EYA2: variants seen among roughly 807,000 people sequenced by gnomAD.
The protein encoded by EYA2 is protein phosphatase EYA2.
EYA2 carries 31 observed loss-of-function variants against 69.2 expected under a neutral mutation model. The ratio of observed to expected loss-of-function variants is 0.45; its 90% confidence interval spans 0.34 to 0.60. The LOEUF (loss-of-function observed/expected upper bound fraction) is 0.60, where lower values mean the gene tolerates loss of function less well. Among genes scored for constraint, EYA2 ranks in the 20% least tolerant of loss-of-function variants. EYA2 has a pLI of 0.02. For missense variants in EYA2, 622 were observed against 701.2 expected, an observed-to-expected ratio of 0.89 and a Z score of 1.28; for synonymous variants, 257 against 279.4, an observed-to-expected ratio of 0.92 and a Z score of 0.80.
intron 1 of EYA2, among the ~76,000 whole-genome samples, chr20:46,983,070 A>G (rs1980943230): frequency 6.6e-6 from 1 of 152,042 alleles, no homozygotes; most frequent in Admixed American, 6.6e-5. Context: ...ACCACACCTG[A>G]CCAGTAATTT....
At chr20:47,030,537 G>GA (rs1984349113) in intron 5 of EYA2, among the ~76,000 whole-genome samples, 1 of 151,888 alleles carries the variant, frequency 6.6e-6, no homozygotes, top group Non-Finnish European at 1.5e-5. Context: ...TATATCCCAG[G>GA]GAGGATACAG....
chr20:47,134,294 T>A (rs925312616), intron 9 of EYA2, among the ~76,000 whole-genome samples: 6 of 151,848 alleles, frequency 4.0e-5, no homozygotes, highest in African/African-American at 1.5e-4. Context: ...ATGACAGGGG[T>A]GGTGGCCTAA....
Position 47,044,518 on chromosome 20 carries a change from G to A in EYA2, c.416-27667G>A, listed in dbSNP as rs190745528. On this transcript the variant is annotated intron_variant, in intron 5 of 15. Transcript: ENST00000327619. ...AATGAGGAACAAAGTAGAGTCTTTCGGGGGGGTGGGGGCAATAGCAAGTTG... is the reference window on the plus strand; with the variant it reads ...AATGAGGAACAAAGTAGAGTCTTTCAGGGGGGTGGGGGCAATAGCAAGTTG... 1.6e-4 allele frequency among the ~76,000 whole-genome samples: 24 copies of A among 152,002 alleles called. 1 individual carries two copies. Among genetic ancestry groups the A allele is most frequent in the South Asian group, 6.3e-4 (3 of 4,800 alleles).
At chr20:47,186,941 C>T (rs1438630508) in intron 15 of EYA2, among the ~76,000 whole-genome samples, 1 of 151,952 alleles carries the variant, frequency 6.6e-6, no homozygotes, top group Non-Finnish European at 1.5e-5. Flanking sequence ...TAGATATGTC[C>T]CTAGCTACTC....
intron 1 of EYA2, among the ~76,000 whole-genome samples, chr20:46,940,329 G>A (rs1986100428): frequency 6.6e-6 from 1 of 152,130 alleles, no homozygotes; most frequent in South Asian, 2.1e-4. Flanking sequence ...CTTGAGGTGG[G>A]GATTGTGATG....
At chr20:47,100,412 CA>C (rs1422903648) in intron 9 of EYA2, among the ~76,000 whole-genome samples, 1 of 152,224 alleles carries the variant, frequency 6.6e-6, no homozygotes, top group Non-Finnish European at 1.5e-5. Flanking sequence ...TCGCAGCCCC[CA>C]CCTGGCCTGG....
rs142018550 is a variant in EYA2 at position 47,161,579 on chromosome 20, T to C, written c.979-7560T>C. 403 of 323,968 alleles carry C rather than the reference T, an allele frequency of 1.2e-3. 2 individuals carry two copies. Among genetic ancestry groups the C allele is most frequent in the African/African-American group, 8.2e-3 (373 of 45,250 alleles). 20.1% of individuals were successfully genotyped at this position (323,968 alleles called of 1,614,324 possible). A position where few individuals can be genotyped will look rare whatever the true frequency, so the allele number is the denominator to read the frequency against. On this transcript the variant is annotated intron_variant, in intron 10 of 15. Transcript: ENST00000327619. ...TGTCCTTGGTCTTGCCTCTGTGAGC[T>C]CCTCGGCCTTGGCCCGGGCCCTGTC...
intron 9 of EYA2, among the ~76,000 whole-genome samples, chr20:47,131,978 T>G (rs1307904022): frequency 3.3e-5 from 5 of 152,240 alleles, no homozygotes; most frequent in Non-Finnish European, 7.3e-5. Flanking sequence ...ATTTTGTTTT[T>G]GTCTTTGAAA....
At chr20:47,171,124 T>C (rs992504600) in intron 11 of EYA2, among the ~76,000 whole-genome samples, 7 of 152,216 alleles carry the variant, frequency 4.6e-5, no homozygotes, top group African/African-American at 7.2e-5. Context: ...GAAGTCATCG[T>C]TGGGAAGCAC....
chr20:46,933,940 T>C (rs559034679), intron 1 of EYA2, among the ~76,000 whole-genome samples: 2 of 152,346 alleles, frequency 1.3e-5, no homozygotes, highest in South Asian at 4.1e-4. Context: ...CCCCACAGTA[T>C]TTAACAAACC....
chr20:47,127,464 T>C (rs1439887510), intron 9 of EYA2, among the ~76,000 whole-genome samples: 2 of 152,102 alleles, frequency 1.3e-5, no homozygotes, highest in African/African-American at 4.8e-5. Context: ...ATTAGCCAGC[T>C]GTAGTGGCAC....
At chr20:47,002,705 C>T (rs1451213132) in intron 3 of EYA2, among the ~76,000 whole-genome samples, 1 of 152,172 alleles carries the variant, frequency 6.6e-6, no homozygotes, top group Admixed American at 6.5e-5. Context: ...CTACCATTCA[C>T]ACATCACTCC....
intron 2 of EYA2, among the ~76,000 whole-genome samples, chr20:46,991,476 A>G (rs1981654636): frequency 6.6e-6 from 1 of 152,198 alleles, no homozygotes; most frequent in African/African-American, 2.4e-5. Context: ...GCATGGTTAA[A>G]TGTACCATTC....
At chr20:47,119,631 A>G (rs1403254877) in intron 9 of EYA2, among the ~76,000 whole-genome samples, 1 of 152,146 alleles carries the variant, frequency 6.6e-6, no homozygotes, top group African/African-American at 2.4e-5. Flanking sequence ...CAGAATGAAG[A>G]CTGTTGGTTA....
At chr20:47,047,943 G>T (rs908499887) in intron 5 of EYA2, among the ~76,000 whole-genome samples, 7 of 151,986 alleles carry the variant, frequency 4.6e-5, no homozygotes, top group African/African-American at 1.7e-4. Flanking sequence ...CTCCCAAAGT[G>T]CTAGGATTAC....
intron 5 of EYA2, among the ~76,000 whole-genome samples, chr20:47,025,931 G>T (rs1290842391): frequency 6.6e-6 from 1 of 152,236 alleles, no homozygotes; most frequent in Admixed American, 6.5e-5. Flanking sequence ...GTGAGGTTGA[G>T]CATCTTTTCA....
intron 9 of EYA2, among the ~76,000 whole-genome samples, chr20:47,106,461 T>C (rs183816969): frequency 5.3e-5 from 8 of 152,336 alleles, no homozygotes; most frequent in African/African-American, 1.9e-4. Flanking sequence ...TTTGTTCTGC[T>C]GGGTTCTTTT....
At chr20:47,012,902 G>A (rs765653031) in intron 4 of EYA2, among the ~76,000 whole-genome samples, 1 of 152,194 alleles carries the variant, frequency 6.6e-6, no homozygotes, top group Non-Finnish European at 1.5e-5. Flanking sequence ...ACTTCTCAGT[G>A]TCTGACTTTC....
chr20:47,187,922 C>T (rs934713717), intron 15 of EYA2, 131 bp from the exon 16 acceptor site: 1 of 861,214 alleles, frequency 1.2e-6, no homozygotes, highest in Non-Finnish European at 1.9e-6. Context: ...ACATCAAGTG[C>T]CCCATAGTTT....
Sources: allele counts gnomAD v4.1 joint callset (sites outside exome capture counted in the v4.1 genomes callset), GRCh38; gene constraint gnomAD v4.1.1; transcripts MANE v1.5; gene names NCBI Gene and HGNC (gene_info 2026-07-23, HGNC 2026-07-21).